Variants in MYO1B observed in about 807,000 individuals in gnomAD.
MYO1B encodes unconventional myosin-Ib.
In MYO1B, 72 loss-of-function variants were observed where a neutral mutation model predicts 159.7. The observed-to-expected ratio is 0.45, with a 90% CI of 0.37 to 0.55. The LOEUF is 0.55. Ranked by LOEUF, MYO1B falls within the 20% of genes least tolerant of loss-of-function variation. The pLI is 0.00. For missense variants in MYO1B, 1,062 were observed against 1,364.8 expected (o/e 0.78, Z 3.50); for synonymous variants, 468 against 473.8 (o/e 0.99, Z 0.16).
At chr2:191,363,463 TG>T (rs1283540376) in intron 9 of MYO1B, among the ~76,000 whole-genome samples, 1 of 152,144 alleles carries the variant, frequency 6.6e-6, no homozygotes, top group Non-Finnish European at 1.5e-5. Context: ...ACTGAGCTGC[TG>T]TGGTTGAAGT....
In MYO1B at chr2:191,381,466, ACAGCTTTGAG is replaced by A; in HGVS notation, c.1194_1203del (p.Phe399SerfsTer31). On this transcript the variant is annotated frameshift_variant, in exon 14 of 31. Transcript: ENST00000392318. LOFTEE classifies it high-confidence loss of function. ...TTTTTCATTTTCTCCATACAGGACAACAGCTTTGAGCAGTTCATTATTAATTATTGTAACG... is the reference window on the plus strand; with the variant it reads ...TTTTTCATTTTCTCCATACAGGACAACAGTTCATTATTAATTATTGTAACG... The A allele has an allele frequency of 6.2e-7, 1 of 1,613,150 alleles. No homozygotes were observed. The highest frequency in any genetic ancestry group is 8.5e-7 in the Non-Finnish European group (1 of 1,179,268).
At position 191,387,433 on chromosome 2, in the gene MYO1B, G is replaced by A. The variant is rs1175661232; in HGVS notation, c.1764G>A (p.Lys588=). The part of the protein sequence containing the change: ...VATLMKNLQT[K]NPNYIRCIKP... ...CTCTGATGAAAAACCTACAGACCAA[G>A]AACCCAAACTATATTAGGTATTTTT... is the stretch of plus-strand genomic sequence containing the variant. Residue 588 remains lysine (K), a synonymous_variant, in exon 17 of 31, where the codon AAG becomes AAA. Coordinates refer to ENST00000392318, the MANE Select transcript of MYO1B (RefSeq NM_001130158.3). 1.2e-6 allele frequency: 2 copies of A among 1,614,092 alleles called. No individual in the cohort carries two copies. The highest frequency in any genetic ancestry group is 3.3e-5 in the Admixed American group (2 of 60,020).
chr2:191,319,850 C>G (rs144842028), intron 3 of MYO1B, among the ~76,000 whole-genome samples: 56 of 152,190 alleles, frequency 3.7e-4, no homozygotes, highest in Non-Finnish European at 8.8e-5. Flanking sequence ...GAAGTTAAAT[C>G]TGGCTACAAG....
chr2:191,379,033 C>G (rs1181799589), intron 13 of MYO1B, among the ~76,000 whole-genome samples: 1 of 152,048 alleles, frequency 6.6e-6, no homozygotes, highest in African/African-American at 2.4e-5. Flanking sequence ...CCTGAAGAAC[C>G]CTCCCCTAGC....
At chr2:191,408,581 A>G (rs1331191738) in intron 25 of MYO1B, among the ~76,000 whole-genome samples, 1 of 152,204 alleles carries the variant, frequency 6.6e-6, no homozygotes, top group Admixed American at 6.5e-5. Context: ...AGCTCCACCC[A>G]CATGGACTCT....
intron 1 of MYO1B, among the ~76,000 whole-genome samples, chr2:191,249,267 T>C (rs1027248873): frequency 1.3e-5 from 2 of 152,166 alleles, no homozygotes; most frequent in African/African-American, 4.8e-5. Context: ...AAAGAGGAAG[T>C]GGGACATCAG....
chr2:191,400,778 G>A lies in MYO1B; in HGVS notation c.2412G>A (p.Glu804=). The A allele has an allele frequency of 6.2e-7, 1 of 1,614,030 alleles. No individual in the cohort carries two copies. ...QARRELRRLK[E]EARNKHAIAV... Reference sequence around the variant, plus strand: ...GAAGGGAACTGAGACGGCTGAAGGAGGAGGCTAGGAATAAACATGCTATTG... The same window carrying A: ...GAAGGGAACTGAGACGGCTGAAGGAAGAGGCTAGGAATAAACATGCTATTG... Residue 804 remains glutamate (E), a synonymous_variant, in exon 23 of 31, where the codon GAG becomes GAA. Transcript: ENST00000392318.
intron 6 of MYO1B, among the ~76,000 whole-genome samples, chr2:191,349,149 A>G (rs536388643): frequency 1.3e-5 from 2 of 152,336 alleles, no homozygotes; most frequent in African/African-American, 4.8e-5. Context: ...AGCTCCTTGA[A>G]GGCAGGAGCC....
intron 25 of MYO1B, among the ~76,000 whole-genome samples, chr2:191,408,663 G>T (rs1697077452): frequency 6.6e-6 from 1 of 152,122 alleles, no homozygotes; most frequent in Admixed American, 6.5e-5. Flanking sequence ...AGCCCCCACT[G>T]CCACTTAGTG....
At chr2:191,404,872 G>A (rs879339066) in intron 24 of MYO1B, among the ~76,000 whole-genome samples, 6 of 152,162 alleles carry the variant, frequency 3.9e-5, no homozygotes, top group Non-Finnish European at 7.4e-5. Context: ...TCTTGATGTC[G>A]ATGGCTGCTG....
At chr2:191,361,951 A>G (rs1008400349) in intron 8 of MYO1B, among the ~76,000 whole-genome samples, 4 of 152,190 alleles carry the variant, frequency 2.6e-5, no homozygotes, top group Non-Finnish European at 4.4e-5. Context: ...CATATGTTAT[A>G]ATGAAATAAT....
Position 191,382,196 on chromosome 2 carries a change from A to G in MYO1B, c.1290+630A>G, listed in dbSNP as rs531979300. On this transcript the variant is annotated intron_variant, in intron 14 of 30. Coordinates refer to ENST00000392318, the MANE Select transcript of MYO1B (RefSeq NM_001130158.3). Reference sequence around the variant, plus strand: ...AAAATAAAAAGGAATTGTTATGTTTATATTTTTATTTCCTTTTTTGTTTAT... The same window carrying G: ...AAAATAAAAAGGAATTGTTATGTTTGTATTTTTATTTCCTTTTTTGTTTAT... Among the ~76,000 whole-genome samples the G allele has an allele frequency of 1.0e-3, 158 of 152,068 alleles. 1 individual carries two copies. Among genetic ancestry groups the G allele is most frequent in the Non-Finnish European group, 6.5e-4 (44 of 67,972 alleles).
chr2:191,377,307 T>C (rs1421083825), intron 13 of MYO1B, among the ~76,000 whole-genome samples: 1 of 152,206 alleles, frequency 6.6e-6, no homozygotes, highest in African/African-American at 2.4e-5. Flanking sequence ...TTTCTAAGTT[T>C]TAGTTTTATT....
intron 1 of MYO1B, 22 bp from the exon 2 acceptor site, chr2:191,276,865 C>T (rs1687783752): frequency 6.3e-7 from 1 of 1,577,850 alleles, no homozygotes; most frequent in Non-Finnish European, 8.6e-7. Flanking sequence ...TTTAAATTGA[C>T]CCCTTTCCCT....
intron 1 of MYO1B, among the ~76,000 whole-genome samples, chr2:191,256,207 G>A (rs1281400486): frequency 6.6e-6 from 1 of 152,164 alleles, no homozygotes; most frequent in East Asian, 1.9e-4. Context: ...TTATGGGCTG[G>A]GCTCTGGAGA....
At chr2:191,395,000 T>G (rs1390541810) in intron 20 of MYO1B, among the ~76,000 whole-genome samples, 3 of 152,224 alleles carry the variant, frequency 2.0e-5, no homozygotes. Flanking sequence ...CTCATTATTT[T>G]CCCTCAACCA....
chr2:191,292,859 G>A (rs886448265), intron 2 of MYO1B, among the ~76,000 whole-genome samples: 2 of 151,592 alleles, frequency 1.3e-5, no homozygotes, highest in South Asian at 2.1e-4. Flanking sequence ...ATTTGCTCAC[G>A]ATTCTCTGGG....
At chr2:191,303,355 G>T (rs926541791) in intron 3 of MYO1B, among the ~76,000 whole-genome samples, 2 of 152,096 alleles carry the variant, frequency 1.3e-5, no homozygotes, top group Non-Finnish European at 2.9e-5. Context: ...TGTTGCTGAG[G>T]CTGTTGTGTT....
At chr2:191,376,197 G>A (rs2126056741) in intron 13 of MYO1B, among the ~76,000 whole-genome samples, 1 of 151,986 alleles carries the variant, frequency 6.6e-6, no homozygotes, top group Non-Finnish European at 1.5e-5. Context: ...AAATGTTAAG[G>A]GAAATTTTCT....
Sources: allele counts gnomAD v4.1 joint callset (sites outside exome capture counted in the v4.1 genomes callset), GRCh38; gene constraint gnomAD v4.1.1; transcripts MANE v1.5; gene names NCBI Gene and HGNC (gene_info 2026-07-23, HGNC 2026-07-21).